The following ZNF804B variants were observed in gnomAD, a reference collection of about 807,000 sequenced individuals.
ZNF804B encodes zinc finger protein 804B, also known as zinc finger 804B.
A neutral mutation model predicts 101.4 loss-of-function variants in ZNF804B; 80 were observed. The ratio of observed to expected loss-of-function variants is 0.79; its 90% CI spans 0.66 to 0.95. The LOEUF is 0.95. Among genes scored for constraint, ZNF804B ranks in the 40% least tolerant of loss-of-function variants. The pLI, the probability that ZNF804B is intolerant of heterozygous loss-of-function variation, is 0.00. For missense variants in ZNF804B, 1,673 were observed against 1,561.9 expected, an observed-to-expected ratio of 1.07 and a Z score of -1.20; for synonymous variants, 622 against 558.8, an observed-to-expected ratio of 1.11 and a Z score of -1.59.
intron 1 of ZNF804B, among the ~76,000 whole-genome samples, chr7:89,217,549 A>AT (rs1170524871): frequency 6.6e-6 from 1 of 152,226 alleles, no homozygotes; most frequent in Non-Finnish European, 1.5e-5. Context: ...TCAAAAGAGG[A>AT]TTTTAAGCAG....
At chr7:88,876,010 G>A (rs1791933101) in intron 1 of ZNF804B, among the ~76,000 whole-genome samples, 1 of 152,046 alleles carries the variant, frequency 6.6e-6, no homozygotes, top group Non-Finnish European at 1.5e-5. Context: ...TTCAATATAT[G>A]CAAATCAATA....
At chr7:89,099,354 A>G (rs1365353839) in intron 1 of ZNF804B, among the ~76,000 whole-genome samples, 1 of 152,136 alleles carries the variant, frequency 6.6e-6, no homozygotes, top group African/African-American at 2.4e-5. Flanking sequence ...ATGTAAAGCA[A>G]AAATTATTTT....
intron 1 of ZNF804B, among the ~76,000 whole-genome samples, chr7:89,169,879 C>T (rs551179834): frequency 6.6e-6 from 1 of 152,212 alleles, no homozygotes; most frequent in African/African-American, 2.4e-5. Context: ...GTATACCTGT[C>T]ACCTCATCCG....
chr7:88,952,757 T>G (rs138828228), intron 1 of ZNF804B, among the ~76,000 whole-genome samples: 40 of 151,938 alleles, frequency 2.6e-4, no homozygotes, highest in African/African-American at 9.6e-4. Context: ...TTTGATCTGT[T>G]TGTCTTTCCC....
intron 1 of ZNF804B, among the ~76,000 whole-genome samples, chr7:89,031,915 G>A (rs545273971): frequency 1.9e-3 from 286 of 151,940 alleles, no homozygotes; most frequent in South Asian, 3.7e-3. Context: ...ATTGTTTAGC[G>A]TAGCTAGATT....
chr7:88,814,228 T>C (rs781758294), intron 1 of ZNF804B, among the ~76,000 whole-genome samples: 8 of 152,176 alleles, frequency 5.3e-5, no homozygotes, highest in African/African-American at 1.7e-4. Flanking sequence ...TTTATACATG[T>C]TTCCAAAGAT....
At chr7:88,942,548 G>A (rs1024508) in intron 1 of ZNF804B, among the ~76,000 whole-genome samples, 72,028 of 146,704 alleles carry the variant, frequency 0.49, 18,028 homozygotes, top group South Asian at 0.59. Flanking sequence ...TTGAATTATC[G>A]TAAGGTCTTT....
intron 1 of ZNF804B, among the ~76,000 whole-genome samples, chr7:89,082,072 A>G (rs116254757): frequency 0.011 from 1,636 of 151,852 alleles, 25 homozygotes; most frequent in African/African-American, 0.037. Context: ...TTATATCAAT[A>G]GTTTAAGAAT....
intron 2 of ZNF804B, among the ~76,000 whole-genome samples, chr7:89,290,236 T>G (rs117515602): frequency 0.07 from 10,616 of 152,152 alleles, 512 homozygotes; most frequent in Non-Finnish European, 0.099. Flanking sequence ...CAAAAACCTT[T>G]GATGAGACTC....
chr7:89,215,396 T>A (rs1200620610), intron 1 of ZNF804B, among the ~76,000 whole-genome samples: 1 of 152,170 alleles, frequency 6.6e-6, no homozygotes, highest in East Asian at 1.9e-4. Context: ...ACCATTGAAC[T>A]ACTGTCATAA....
intron 1 of ZNF804B, among the ~76,000 whole-genome samples, chr7:88,983,798 G>A (rs1345886243): frequency 5.3e-5 from 8 of 151,896 alleles, no homozygotes; most frequent in East Asian, 1.9e-4. Flanking sequence ...GATTGGCACC[G>A]TTCATCTTGA....
chr7:89,327,033 T>A (rs1009664879), intron 2 of ZNF804B, among the ~76,000 whole-genome samples: 16 of 152,002 alleles, frequency 1.1e-4, no homozygotes, highest in African/African-American at 2.9e-4. Context: ...ATATATTGCA[T>A]GTTTTTCCCA....
chr7:88,986,325 T>G (rs1477403482), intron 1 of ZNF804B, among the ~76,000 whole-genome samples: 1 of 152,078 alleles, frequency 6.6e-6, no homozygotes, highest in East Asian at 1.9e-4. Flanking sequence ...ATTATGAAAT[T>G]TATTTCCTAT....
intron 1 of ZNF804B, among the ~76,000 whole-genome samples, chr7:88,989,590 C>T (rs1485197062): frequency 6.6e-6 from 1 of 152,060 alleles, no homozygotes; most frequent in East Asian, 1.9e-4. Flanking sequence ...TAATGCAACT[C>T]CTCTTCTCCC....
intron 1 of ZNF804B, among the ~76,000 whole-genome samples, chr7:88,926,308 C>T (rs926173709): frequency 1.3e-5 from 2 of 151,652 alleles, no homozygotes; most frequent in Non-Finnish European, 2.9e-5. Context: ...CAAAGGAGGC[C>T]GGGTGTGGTG....
chr7:89,318,984 C>T (rs973977943), intron 2 of ZNF804B, among the ~76,000 whole-genome samples: 2 of 152,130 alleles, frequency 1.3e-5, no homozygotes, highest in Non-Finnish European at 2.9e-5. Context: ...TTAAGGGAAA[C>T]GAAGGGATGG....
intron 1 of ZNF804B, among the ~76,000 whole-genome samples, chr7:89,072,427 A>G (rs1408848320): frequency 6.6e-6 from 1 of 152,168 alleles, no homozygotes; most frequent in African/African-American, 2.4e-5. Context: ...TTAAAGAATG[A>G]GCTCTGTACT....
chr7:89,202,892 C>T (rs1174131706), intron 1 of ZNF804B, among the ~76,000 whole-genome samples: 1 of 152,108 alleles, frequency 6.6e-6, no homozygotes, highest in East Asian at 1.9e-4. Flanking sequence ...TACTTTTTTA[C>T]AATGGGCCCA....
At chr7:89,278,638 T>C (rs901968324) in intron 2 of ZNF804B, among the ~76,000 whole-genome samples, 5 of 151,760 alleles carry the variant, frequency 3.3e-5, no homozygotes, top group Non-Finnish European at 5.9e-5. Context: ...TTTTCTCAGG[T>C]TTGTCAAAGA....
Sources: gnomAD v4.1 joint callset for allele counts (sites outside exome capture counted in the v4.1 genomes callset) on GRCh38, gnomAD v4.1.1 for gene constraint, MANE v1.5 for transcripts, NCBI Gene and HGNC (gene_info 2026-07-23, HGNC 2026-07-21) for gene names.